Variants in ACE observed in about 807,000 individuals in gnomAD.
ACE encodes the protein angiotensin I converting enzyme, also known as angiotensin-converting enzyme.
A neutral mutation model predicts 162.3 loss-of-function variants in ACE; 122 were observed. The observed-to-expected ratio is 0.75, with a 90% CI of 0.65 to 0.87. The LOEUF is 0.87. Ranked by LOEUF, ACE falls within the 40% of genes least tolerant of loss-of-function variation. The probability of loss-of-function intolerance (pLI) is 0.00; values close to 1 mark genes in which losing one functional copy is unlikely to be tolerated. For synonymous variants in ACE, 796 were observed against 720.6 expected, an observed-to-expected ratio of 1.10 and a Z score of -1.68; for missense variants, 1,799 against 1,735.1, an observed-to-expected ratio of 1.04 and a Z score of -0.65.
At position 63,483,479 on chromosome 17, in the gene ACE, T is replaced by A. The variant is rs1485835785; in HGVS notation, c.1507T>A (p.Cys503Ser). 1.1e-5 allele frequency: 17 copies of A among 1,614,038 alleles called. No homozygotes were observed. The highest frequency in any genetic ancestry group is 1.4e-5 in the Non-Finnish European group (17 of 1,179,890). Residue 503 changes from cysteine (C) to serine (S), a missense_variant, in exon 10 of 25, where the codon TGT becomes AGT. By Grantham distance (112) the Cys-to-Ser change is moderately radical. Transcript: ENST00000290866. ...TTCCAGAACCAAGTATCAGGGGATC[T>A]GTCCTCCTGTTACCCGAAACGAAAC... is the stretch of plus-strand genomic sequence containing the variant. The part of the protein sequence containing the change: ...WYLRTKYQGI[C>S]PPVTRNETHF...
chr17:63,496,564 C>T lies in ACE; in HGVS notation c.3503+48C>T, dbSNP rs200004396. 3.2e-5 allele frequency: 52 copies of T among 1,612,912 alleles called. No homozygotes were observed. The African/African-American group carries it at 6.1e-4, about 19-fold the overall frequency. On this transcript the variant is annotated intron_variant, in intron 23 of 24. Coordinates refer to ENST00000290866, the MANE Select transcript of ACE (RefSeq NM_000789.4). ...TTGTTTCCATGCTCTGGCCTGCGCC[C>T]CTGGGCCTTGAGGGGTCTGTCCACT...
rs201804955 is a variant in ACE at position 63,485,310 on chromosome 17, G to C, written c.1996G>C (p.Glu666Gln). ...YDRTSQVVWN[E>Q]YAEANWNYNT... ...CCGGACATCCCAGGTGGTGTGGAACGAGTATGCCGAGGCCAACTGGAACTA... is the reference window on the plus strand; with the variant it reads ...CCGGACATCCCAGGTGGTGTGGAACCAGTATGCCGAGGCCAACTGGAACTA... Residue 666 changes from glutamate (E) to glutamine (Q), a missense_variant, in exon 13 of 25, where the codon GAG becomes CAG. By Grantham distance (29) the Glu-to-Gln change is conservative. Coordinates refer to ENST00000290866, the MANE Select transcript of ACE (RefSeq NM_000789.4). 1 of 1,613,840 alleles carries C rather than the reference G, an allele frequency of 6.2e-7. No homozygotes were observed. Among genetic ancestry groups the C allele is most frequent in the African/African-American group, 1.3e-5 (1 of 74,818 alleles).
chr17:63,484,949 A>C lies in ACE; in HGVS notation c.1922-287A>C. On this transcript the variant is annotated intron_variant, in intron 12 of 24. Transcript: ENST00000290866. This position sits in a 1 kb window ranked among gnomAD's most constrained non-coding sequence, Gnocchi z 4.0. ...CTACGGGCACCCTCTGCTGGTCCCC[A>C]GCCAGGAGGCATCCCAACAGGTGAC... 6.2e-7 allele frequency: 1 copy of C among 1,600,814 alleles called. No homozygotes were observed. Among genetic ancestry groups the C allele is most frequent in the Non-Finnish European group, 8.5e-7 (1 of 1,173,920 alleles).
Position 63,491,943 on chromosome 17 carries a change from G to C in ACE, c.2912+562G>C, listed in dbSNP as rs1394211384. 1.3e-5 allele frequency among the ~76,000 whole-genome samples: 2 copies of C among 152,184 alleles called. No individual in the cohort carries two copies. Among genetic ancestry groups the C allele is most frequent in the African/African-American group, 2.4e-5 (1 of 41,446 alleles). On this transcript the variant is annotated intron_variant, in intron 19 of 24. Transcript: ENST00000290866. This position sits in a 1 kb window ranked among gnomAD's most constrained non-coding sequence, Gnocchi z 4.4. ...ACAGTGGAAATGGCCTTTCTCTACA[G>C]GGCCCCCTCTGTTGGGGGCAGCTCT... is the stretch of plus-strand genomic sequence containing the variant.
In ACE at chr17:63,497,479, GCCCTGT is replaced by G. The variant is rs1210592432; in HGVS notation, c.*123_*128del. On this transcript the variant is annotated 3_prime_UTR_variant, in exon 25 of 25. Coordinates refer to ENST00000290866, the MANE Select transcript of ACE (RefSeq NM_000789.4). ...CACCCCAGCCCACCCTGCTCCTCCT[GCCCTGT>G]CCCTGTCCCCCTCCCCTCCCAGTCC... 20 of 982,342 alleles carry G rather than the reference GCCCTGT, an allele frequency of 2.0e-5. No homozygotes were observed. Among genetic ancestry groups the G allele is most frequent in the Non-Finnish European group, 2.6e-5 (17 of 641,918 alleles). 60.9% of individuals were successfully genotyped at this position (982,342 alleles called of 1,614,324 possible).
At position 63,484,942 on chromosome 17, in the gene ACE, G is replaced by A; in HGVS notation, c.1922-294G>A. On this transcript the variant is annotated intron_variant, in intron 12 of 24. Coordinates refer to ENST00000290866, the MANE Select transcript of ACE (RefSeq NM_000789.4). The surrounding 1 kb of genome is among the most constrained non-coding windows in gnomAD (Gnocchi z 4.0). ...TGCTCTGCTACGGGCACCCTCTGCT[G>A]GTCCCCAGCCAGGAGGCATCCCAAC... 1 of 1,599,192 alleles carries A rather than the reference G, an allele frequency of 6.3e-7. No homozygotes were observed. The highest frequency in any genetic ancestry group is 8.5e-7 in the Non-Finnish European group (1 of 1,173,140).
chr17:63,485,150 C>G (rs755672896), intron 12 of ACE, 86 bp from the exon 13 acceptor site: 1 of 1,597,652 alleles, frequency 6.3e-7, no homozygotes, highest in South Asian at 1.1e-5. Flanking sequence ...CAAGGGAGTG[C>G]GAGAGGGATA....
chr17:63,495,568 GGCCTGACCTAGACGGTGCTCCA>G (rs2030675607), intron 22 of ACE, among the ~76,000 whole-genome samples: 1 of 152,204 alleles, frequency 6.6e-6, no homozygotes, highest in Non-Finnish European at 1.5e-5. Context: ...ACCTCAGATA[GGCCTGACCTAGACGGTGCTCCA>G]GAGATGACAC....
chr17:63,481,578 A>G lies in ACE; in HGVS notation c.958A>G (p.Thr320Ala), dbSNP rs1384833654. 1.2e-6 allele frequency: 2 copies of G among 1,613,746 alleles called. No individual in the cohort carries two copies. Among genetic ancestry groups the G allele is most frequent in the African/African-American group, 2.7e-5 (2 of 74,912 alleles). ...STMLQQGWNA[T>A]HMFRVAEEFF... Reference sequence around the variant, plus strand: ...ACCCCTCCTCCAGGGCTGGAACGCCACGCACATGTTCCGGGTGGCAGAGGA... The same window carrying G: ...ACCCCTCCTCCAGGGCTGGAACGCCGCGCACATGTTCCGGGTGGCAGAGGA... Residue 320 changes from threonine (T) to alanine (A), a missense_variant, in exon 7 of 25, where the codon ACG becomes GCG. Coordinates refer to ENST00000290866, the MANE Select transcript of ACE (RefSeq NM_000789.4).
At position 63,483,360 on chromosome 17, in the gene ACE, A is replaced by G. The variant is rs925408520; in HGVS notation, c.1488-100A>G. On this transcript the variant is annotated intron_variant, in intron 9 of 24. Transcript: ENST00000290866. ...AGGAAGTCTTCCCCAGTTCCTCAGG[A>G]TGGGGAAGGGTTGCCGGGTGGAAAT... The G allele has an allele frequency of 1.2e-5, 17 of 1,457,464 alleles. No individual in the cohort carries two copies. The South Asian group carries it at 1.9e-4, about 17-fold the overall frequency. 90.3% of individuals were successfully genotyped at this position (1,457,464 alleles called of 1,614,324 possible).
At chr17:63,480,291 T>C in intron 4 of ACE, 46 bp from the exon 5 acceptor site, 1 of 1,600,292 alleles carries the variant, frequency 6.2e-7, no homozygotes, top group Non-Finnish European at 8.5e-7. Flanking sequence ...GAGGCTGAGG[T>C]CCGAGCCTTT....
intron 2 of ACE, chr17:63,478,718 G>T: frequency 2.0e-6 from 1 of 496,620 alleles, no homozygotes. Context: ...CAAAGCCAGA[G>T]AATGGGAGGG....
chr17:63,486,319 C>A, intron 13 of ACE: 1 of 585,314 alleles, frequency 1.7e-6, no homozygotes, highest in Non-Finnish European at 3.1e-6. Context: ...GGGGTCTTCT[C>A]TTCTCTGCCC....
At position 63,488,969 on chromosome 17, in the gene ACE, G is replaced by A. The variant is rs2030185234; in HGVS notation, c.2478G>A (p.Arg826=). The change falls in exon 17 of 25, where the codon AGG becomes AGA. Residue 826 remains arginine, a synonymous_variant. Transcript: ENST00000290866. ...ATGTAGATGCAGGGGACTCGTGGAGGTCTATGTACGAGACACCATCCCTGG... is the reference window on the plus strand; with the variant it reads ...ATGTAGATGCAGGGGACTCGTGGAGATCTATGTACGAGACACCATCCCTGG... ...NGYVDAGDSW[R]SMYETPSLEQ... The A allele has an allele frequency of 6.2e-7, 1 of 1,614,196 alleles. No individual in the cohort carries two copies. Among genetic ancestry groups the A allele is most frequent in the Non-Finnish European group, 8.5e-7 (1 of 1,180,042 alleles).
chr17:63,482,961 CCA>C (rs2049736079), intron 8 of ACE, 66 bp from the exon 9 acceptor site: 2 of 1,540,578 alleles, frequency 1.3e-6, no homozygotes, highest in African/African-American at 2.7e-5. Context: ...CCCCGCCAGC[CCA>C]CACTCTTAGG....
chr17:63,478,721 T>C (rs1369649671), intron 2 of ACE: 2 of 500,492 alleles, frequency 4.0e-6, no homozygotes, highest in East Asian at 7.5e-5. Flanking sequence ...AGCCAGAGAA[T>C]GGGAGGGATC....
chr17:63,484,808 G>T lies in ACE; in HGVS notation c.1921+267G>T. ...ACACAAGGCTCTGTGAGGTCACACT[G>T]CGGGCTCCGCTCTTATTGGCCAGGG... On this transcript the variant is annotated intron_variant, in intron 12 of 24. Coordinates refer to ENST00000290866, the MANE Select transcript of ACE (RefSeq NM_000789.4). This position sits in a 1 kb window ranked among gnomAD's most constrained non-coding sequence, Gnocchi z 4.0. The T allele has an allele frequency of 6.6e-7, 1 of 1,506,554 alleles. No homozygotes were observed. Among genetic ancestry groups the T allele is most frequent in the Non-Finnish European group, 8.9e-7 (1 of 1,127,362 alleles). The allele number at this position is 1,506,554 out of a possible 1,614,324, so 93.3% of individuals were successfully genotyped here. A position where few individuals can be genotyped will look rare whatever the true frequency, so the allele number is the denominator to read the frequency against.
chr17:63,490,509 C>A (rs1380165151), intron 17 of ACE: 1 of 244,814 alleles, frequency 4.1e-6, no homozygotes. Context: ...TCACTTAACT[C>A]TCCAGCCTGT....
intron 22 of ACE, chr17:63,496,015 T>C: frequency 3.0e-6 from 1 of 333,424 alleles, no homozygotes. Context: ...CCCTAGTAGA[T>C]CCACACGGCC....
Sources: allele counts gnomAD v4.1 joint callset (sites outside exome capture counted in the v4.1 genomes callset), GRCh38; gene constraint gnomAD v4.1.1; non-coding constraint Gnocchi (gnomAD v3.1); transcripts MANE v1.5; gene names NCBI Gene and HGNC (gene_info 2026-07-23, HGNC 2026-07-21).